Variants in LSAMP observed in about 807,000 individuals in gnomAD.
LSAMP encodes the protein limbic system associated membrane protein, also known as limbic system-associated membrane protein.
A neutral mutation model predicts 38.6 loss-of-function variants in LSAMP; 7 were observed. That is an observed-to-expected ratio of 0.18 (90% confidence interval 0.10 to 0.34). The LOEUF is 0.34. Among genes scored for constraint, LSAMP ranks in the 10% least tolerant of loss-of-function variants. LSAMP has a pLI of 1.00. For missense variants in LSAMP, 313 were observed against 420.0 expected, an observed-to-expected ratio of 0.75 and a Z score of 2.23; for synonymous variants, 154 against 166.8, an observed-to-expected ratio of 0.92 and a Z score of 0.59.
chr3:116,057,967 A>ACACACACACACC (rs1553699984), intron 2 of LSAMP, among the ~76,000 whole-genome samples: 9,607 of 146,802 alleles, frequency 0.065, 343 homozygotes, highest in Non-Finnish European at 0.076. Flanking sequence ...CCACACACAC[A>ACACACACACACC]CACACACACA....
chr3:116,200,579 C>A (rs896935130), intron 1 of LSAMP, among the ~76,000 whole-genome samples: 1 of 152,150 alleles, frequency 6.6e-6, no homozygotes, highest in Admixed American at 6.5e-5. Context: ...ACACATAGCC[C>A]CCAGGGGCTT....
At chr3:116,094,164 TGAAGCATCTTTGCTTC>T (rs1256743741) in intron 1 of LSAMP, among the ~76,000 whole-genome samples, 1 of 152,244 alleles carries the variant, frequency 6.6e-6, no homozygotes, top group Non-Finnish European at 1.5e-5. Flanking sequence ...TCAATCATTT[TGAAGCATCTTTGCTTC>T]ATTACCATTT....
intron 3 of LSAMP, among the ~76,000 whole-genome samples, chr3:115,900,512 CAAAAA>C (rs5851983): frequency 6.7e-5 from 5 of 74,362 alleles, no homozygotes; most frequent in African/African-American, 2.5e-4. Flanking sequence ...TGAGACTGTC[CAAAAA>C]AAAAAAAAAA....
intron 1 of LSAMP, among the ~76,000 whole-genome samples, chr3:116,208,558 G>T (rs986032768): frequency 3.9e-5 from 6 of 152,132 alleles, no homozygotes; most frequent in Non-Finnish European, 7.3e-5. Context: ...TTTGATGATG[G>T]TGATGTACAG....
intron 1 of LSAMP, among the ~76,000 whole-genome samples, chr3:116,245,623 CCCTCTG>C (rs1389985027): frequency 1.3e-5 from 2 of 152,016 alleles, no homozygotes; most frequent in African/African-American, 2.4e-5. Context: ...ATGTATTGTT[CCCTCTG>C]CATAATTTTT....
At chr3:115,816,661 A>T in intron 6 of LSAMP, 1 of 1,278,358 alleles carries the variant, frequency 7.8e-7, no homozygotes, top group South Asian at 1.3e-5. Flanking sequence ...AATAAGAAAC[A>T]TTAAGCAAAA....
Position 115,870,106 on chromosome 3 carries a change from T to C in LSAMP, c.515-17489A>G, listed in dbSNP as rs6799914. 5.1e-3 allele frequency among the ~76,000 whole-genome samples: 782 copies of C among 152,260 alleles called. 14 individuals are homozygous for C. The highest frequency in any genetic ancestry group is 0.018 in the African/African-American group (751 of 41,562). On this transcript the variant is annotated intron_variant, in intron 3 of 6. Transcript: ENST00000490035. The stretch of plus-strand genomic sequence containing the variant: ...TCAGTATTTATAAATAAAGTTTTAC[T>C]TGGACACAGCCATGCCTATGCATTT...
chr3:115,806,409 A>G lies in LSAMP; in HGVS notation c.*3908T>C, dbSNP rs1294382502. 1.3e-5 allele frequency: 2 copies of G among 152,238 alleles called. No homozygotes were observed. Among genetic ancestry groups the G allele is most frequent in the East Asian group, 3.8e-4 (2 of 5,204 alleles). The allele number at this position is 152,238 out of a possible 1,614,324, so 9.4% of individuals were successfully genotyped here. A position where few individuals can be genotyped will look rare whatever the true frequency, so the allele number is the denominator to read the frequency against. The stretch of plus-strand genomic sequence containing the variant: ...ATGAAAAATTCAGGGAGAATAGCCA[A>G]TAGAAACAGTGAAACCACAACCAAC... On this transcript the variant is annotated 3_prime_UTR_variant, in exon 7 of 7. Coordinates refer to ENST00000490035, the MANE Select transcript of LSAMP (RefSeq NM_002338.5).
intron 1 of LSAMP, among the ~76,000 whole-genome samples, chr3:116,123,019 C>G (rs978272031): frequency 6.6e-6 from 1 of 152,070 alleles, no homozygotes; most frequent in Admixed American, 6.6e-5. Flanking sequence ...GAAAGACTGG[C>G]TTTTTTTGAG....
intron 2 of LSAMP, among the ~76,000 whole-genome samples, chr3:116,023,817 T>C (rs555337473): frequency 6.6e-6 from 1 of 152,338 alleles, no homozygotes; most frequent in South Asian, 2.1e-4. Context: ...TGCTTATCTC[T>C]CCAGCCTCAT....
intron 1 of LSAMP, among the ~76,000 whole-genome samples, chr3:116,330,920 C>A (rs1435949771): frequency 1.3e-5 from 2 of 151,920 alleles, no homozygotes; most frequent in African/African-American, 4.8e-5. Flanking sequence ...AATGAGTCAA[C>A]AGAAACTGTC....
At chr3:115,876,256 TAAAA>T (rs57144373) in intron 3 of LSAMP, among the ~76,000 whole-genome samples, 16 of 135,448 alleles carry the variant, frequency 1.2e-4, no homozygotes, top group African/African-American at 4.2e-4. Context: ...TGTTCTGATT[TAAAA>T]AAAAAAAAAG....
chr3:115,835,244 A>G (rs1415297365), intron 6 of LSAMP, among the ~76,000 whole-genome samples: 1 of 152,158 alleles, frequency 6.6e-6, no homozygotes, highest in Non-Finnish European at 1.5e-5. Flanking sequence ...CCGAAATTTG[A>G]TCAACCAATC....
In LSAMP at chr3:116,444,864, C is replaced by T; in HGVS notation, c.155+13G>A. ...TAGACGCGCGCAGCAGAAAAGTTGC[C>T]CGAAAGCCCTACCTGAGGATGGCTG... On this transcript the variant is annotated intron_variant, in intron 1 of 6. Coordinates refer to ENST00000490035, the MANE Select transcript of LSAMP (RefSeq NM_002338.5). The T allele has an allele frequency of 6.2e-7, 1 of 1,613,750 alleles. No homozygotes were observed. The highest frequency in any genetic ancestry group is 1.1e-5 in the South Asian group (1 of 91,032).
intron 3 of LSAMP, among the ~76,000 whole-genome samples, chr3:115,894,112 T>A (rs1449401300): frequency 6.6e-6 from 1 of 152,070 alleles, no homozygotes; most frequent in Non-Finnish European, 1.5e-5. Flanking sequence ...TACGCATAAC[T>A]CTTTATTCCA....
chr3:116,068,583 A>T (rs537495954), intron 2 of LSAMP, among the ~76,000 whole-genome samples: 1 of 152,346 alleles, frequency 6.6e-6, no homozygotes, highest in African/African-American at 2.4e-5. Context: ...GATAAGATTT[A>T]TTGCTGTTTC....
chr3:115,879,463 A>C (rs1444413425), intron 3 of LSAMP, among the ~76,000 whole-genome samples: 1 of 152,174 alleles, frequency 6.6e-6, no homozygotes, highest in African/African-American at 2.4e-5. Flanking sequence ...TTATAAATTT[A>C]TATAGATGTT....
intron 1 of LSAMP, among the ~76,000 whole-genome samples, chr3:116,132,396 A>C (rs1254826728): frequency 6.6e-6 from 1 of 151,634 alleles, no homozygotes. Flanking sequence ...GATTGGGATA[A>C]AGAAAATGCA....
chr3:115,968,765 C>A (rs959020974), intron 3 of LSAMP, among the ~76,000 whole-genome samples: 1 of 152,166 alleles, frequency 6.6e-6, no homozygotes, highest in Non-Finnish European at 1.5e-5. Context: ...AGCACCAGGA[C>A]TTGCCAGGGA....
Sources: allele counts gnomAD v4.1 joint callset (sites outside exome capture counted in the v4.1 genomes callset), GRCh38; gene constraint gnomAD v4.1.1; transcripts MANE v1.5; gene names NCBI Gene and HGNC (gene_info 2026-07-23, HGNC 2026-07-21).